BBX: variants seen among roughly 807,000 people sequenced by gnomAD.
The protein encoded by BBX is HMG box transcription factor BBX.
A neutral mutation model predicts 100.2 loss-of-function variants in BBX; 30 were observed. The ratio of observed to expected loss-of-function variants is 0.30; its 90% CI spans 0.22 to 0.41. The LOEUF (loss-of-function observed/expected upper bound fraction) is 0.41. Ranked by LOEUF, BBX falls within the 10% of genes least tolerant of loss-of-function variation. The pLI, the probability that BBX is intolerant of heterozygous loss-of-function variation, is 1.00. For synonymous variants in BBX, 376 were observed against 388.1 expected (o/e 0.97, Z 0.37); for missense variants, 1,023 against 1,129.8 (o/e 0.91, Z 1.35).
chr3:107,523,930 A>AT (rs1441969795), intron 1 of BBX, among the ~76,000 whole-genome samples: 2 of 143,012 alleles, frequency 1.4e-5, no homozygotes, highest in African/African-American at 5.0e-5. Context: ...TGGAGGAAGA[A>AT]TAGGGGGAGA....
chr3:107,625,772 C>T (rs945889406), intron 2 of BBX, among the ~76,000 whole-genome samples: 1 of 152,004 alleles, frequency 6.6e-6, no homozygotes, highest in South Asian at 2.1e-4. Flanking sequence ...CATCTAGGTC[C>T]CCTGTAGCTC....
chr3:107,737,896 T>G (rs868242205), intron 7 of BBX, among the ~76,000 whole-genome samples: 11,860 of 136,202 alleles, frequency 0.087, 677 homozygotes, highest in Non-Finnish European at 0.14. Flanking sequence ...TTTTTTTTTT[T>G]TTTTTTTTTT....
At chr3:107,766,817 C>G (rs1286797094) in intron 10 of BBX, among the ~76,000 whole-genome samples, 1 of 152,112 alleles carries the variant, frequency 6.6e-6, no homozygotes, top group Non-Finnish European at 1.5e-5. Context: ...AATTGTCCAT[C>G]AAAGATAGAC....
Position 107,808,514 on chromosome 3 carries a change from A to G in BBX, c.*3057A>G, listed in dbSNP as rs1559836987. 6.6e-6 allele frequency: 1 copy of G among 152,106 alleles called. No homozygotes were observed. The highest frequency in any genetic ancestry group is 2.4e-5 in the African/African-American group (1 of 41,424). The allele number at this position is 152,106 out of a possible 1,614,324, so 9.4% of individuals were successfully genotyped here. On this transcript the variant is annotated 3_prime_UTR_variant, in exon 18 of 18. Transcript: ENST00000325805. ...TCCAGTTTTCTTTAGCCTTTTATTT[A>G]TTTAGTTATTCTGGGTATTTCCTAT... is the stretch of plus-strand genomic sequence containing the variant.
chr3:107,752,275 TA>T (rs1409391943), intron 9 of BBX, among the ~76,000 whole-genome samples: 1 of 152,230 alleles, frequency 6.6e-6, no homozygotes. Flanking sequence ...TTAATGCATT[TA>T]TTTTCATGAG....
At chr3:107,540,514 C>G (rs1410751116) in intron 2 of BBX, among the ~76,000 whole-genome samples, 3 of 152,098 alleles carry the variant, frequency 2.0e-5, no homozygotes, top group Non-Finnish European at 4.4e-5. Flanking sequence ...GATCAGAGGC[C>G]TGTAAATGAA....
chr3:107,659,730 CT>C, intron 3 of BBX: 1 of 1,284,472 alleles, frequency 7.8e-7, no homozygotes, highest in Non-Finnish European at 1.0e-6. Context: ...TTTGGGTATC[CT>C]TTTACATTCA....
intron 2 of BBX, among the ~76,000 whole-genome samples, chr3:107,548,226 G>A (rs1281347553): frequency 6.6e-6 from 1 of 152,150 alleles, no homozygotes; most frequent in Non-Finnish European, 1.5e-5. Context: ...GAAAATAATA[G>A]TTACCTTTTG....
intron 2 of BBX, among the ~76,000 whole-genome samples, chr3:107,565,813 T>C (rs939661288): frequency 6.6e-6 from 1 of 152,078 alleles, no homozygotes; most frequent in Admixed American, 6.6e-5. Flanking sequence ...CTTCTAGACC[T>C]CTTTATCAGG....
chr3:107,575,093 T>G (rs2051671051), intron 2 of BBX, among the ~76,000 whole-genome samples: 1 of 152,212 alleles, frequency 6.6e-6, no homozygotes, highest in Non-Finnish European at 1.5e-5. Flanking sequence ...CCAAAGCCAT[T>G]ACCTGGATAA....
intron 7 of BBX, among the ~76,000 whole-genome samples, chr3:107,742,314 C>CTT (rs1200031918): frequency 1.4e-5 from 2 of 143,214 alleles, no homozygotes; most frequent in East Asian, 2.0e-4. Flanking sequence ...CCTCCTTTTT[C>CTT]TTTTTTTTTT....
chr3:107,741,166 GT>G (rs2107588037), intron 7 of BBX, among the ~76,000 whole-genome samples: 1 of 152,024 alleles, frequency 6.6e-6, no homozygotes, highest in East Asian at 1.9e-4. Context: ...GCAGTGCATG[GT>G]TGTGGTCCTG....
intron 2 of BBX, among the ~76,000 whole-genome samples, chr3:107,538,840 A>G (rs1271828551): frequency 6.6e-6 from 1 of 151,926 alleles, no homozygotes; most frequent in Non-Finnish European, 1.5e-5. Flanking sequence ...GCTAGGGTGC[A>G]GTGGTGTAAT....
chr3:107,702,132 TG>T (rs1205853761), intron 3 of BBX, among the ~76,000 whole-genome samples: 1 of 152,198 alleles, frequency 6.6e-6, no homozygotes, highest in East Asian at 1.9e-4. Flanking sequence ...GCCAGAAACC[TG>T]GGGATAGACC....
At chr3:107,551,955 CT>C (rs2049718858) in intron 2 of BBX, among the ~76,000 whole-genome samples, 1 of 152,112 alleles carries the variant, frequency 6.6e-6, no homozygotes, top group African/African-American at 2.4e-5. Flanking sequence ...GAACATTGAG[CT>C]TTTCTGAACA....
At chr3:107,663,466 A>T (rs181432357) in intron 3 of BBX, among the ~76,000 whole-genome samples, 1 of 152,312 alleles carries the variant, frequency 6.6e-6, no homozygotes. Context: ...TGTAGCCCAC[A>T]GTGTGCCCCA....
At chr3:107,684,489 A>G (rs982706727) in intron 3 of BBX, 3 of 152,178 alleles carry the variant, frequency 2.0e-5, no homozygotes, top group African/African-American at 7.2e-5. Flanking sequence ...AGGAATTGAG[A>G]GGGTCTCCCA....
intron 2 of BBX, among the ~76,000 whole-genome samples, chr3:107,567,599 A>C (rs1319704726): frequency 6.6e-6 from 1 of 152,290 alleles, no homozygotes; most frequent in Admixed American, 6.5e-5. Context: ...ATGGTTTCAC[A>C]TCCCTGAATT....
At chr3:107,635,360 C>T (rs1271296593) in intron 2 of BBX, among the ~76,000 whole-genome samples, 2 of 152,138 alleles carry the variant, frequency 1.3e-5, no homozygotes, top group East Asian at 1.9e-4. Flanking sequence ...AAGCCATAAC[C>T]TTGCATGGAA....
Sources: allele counts gnomAD v4.1 joint callset (sites outside exome capture counted in the v4.1 genomes callset), GRCh38; gene constraint gnomAD v4.1.1; transcripts MANE v1.5; gene names NCBI Gene and HGNC (gene_info 2026-07-23, HGNC 2026-07-21).